The following COL25A1 variants were observed in gnomAD, a reference collection of about 807,000 sequenced individuals.
The protein encoded by COL25A1 is collagen alpha-1(XXV) chain.
A neutral mutation model predicts 128.4 loss-of-function variants in COL25A1; 103 were observed. The ratio of observed to expected loss-of-function variants is 0.80; its 90% CI spans 0.68 to 0.94. COL25A1 has a LOEUF of 0.94. COL25A1 is among the 40% of genes least tolerant of loss of function. The pLI is 0.00. For missense variants in COL25A1, 745 were observed against 840.0 expected, an observed-to-expected ratio of 0.89 and a Z score of 1.40; for synonymous variants, 279 against 277.2, an observed-to-expected ratio of 1.01 and a Z score of -0.06.
intron 11 of COL25A1, 102 bp from the exon 12 acceptor site, chr4:108,920,706 G>T: frequency 1.4e-6 from 1 of 710,498 alleles, no homozygotes; most frequent in Non-Finnish European, 2.2e-6. Context: ...TTGCTGTACT[G>T]AAATATGTTG....
At chr4:109,286,880 G>C (rs1723942726) in intron 3 of COL25A1, among the ~76,000 whole-genome samples, 1 of 152,162 alleles carries the variant, frequency 6.6e-6, no homozygotes, top group African/African-American at 2.4e-5. Context: ...TGACCACAGA[G>C]TCTGATCCAA....
intron 3 of COL25A1, among the ~76,000 whole-genome samples, chr4:109,136,368 C>T (rs1769764792): frequency 6.6e-6 from 1 of 152,110 alleles, no homozygotes; most frequent in African/African-American, 2.4e-5. Context: ...CATTGCACTC[C>T]ATGCTGGGCA....
chr4:108,860,276 G>A (rs1209893632), intron 23 of COL25A1, among the ~76,000 whole-genome samples: 1 of 152,016 alleles, frequency 6.6e-6, no homozygotes, highest in Non-Finnish European at 1.5e-5. Flanking sequence ...ATTTTTAGTG[G>A]AGACAGAGTT....
Position 108,810,957 on chromosome 4 carries a change from A to G in COL25A1, c.*2970T>C, listed in dbSNP as rs957035368. 3.9e-5 allele frequency: 6 copies of G among 152,072 alleles called. No individual in the cohort carries two copies. Among genetic ancestry groups the G allele is most frequent in the Admixed American group, 3.9e-4 (6 of 15,274 alleles). The allele number at this position is 152,072 out of a possible 1,614,324, so 9.4% of individuals were successfully genotyped here. A position where few individuals can be genotyped will look rare whatever the true frequency, so the allele number is the denominator to read the frequency against. ...CAACATAAATGAAAAACAATTTTAA[A>G]TCTAAAACACATATCAATTTGCTAT... On this transcript the variant is annotated 3_prime_UTR_variant, in exon 38 of 38. Coordinates refer to ENST00000399132, the MANE Select transcript of COL25A1 (RefSeq NM_198721.4).
chr4:108,819,698 A>G (rs1731591575), intron 35 of COL25A1: 2 of 460,658 alleles, frequency 4.3e-6, no homozygotes, highest in African/African-American at 2.0e-5. Context: ...CTTGAAGTCC[A>G]TGTTAAATGA....
intron 3 of COL25A1, among the ~76,000 whole-genome samples, chr4:109,150,459 G>A (rs1215163678): frequency 1.3e-5 from 2 of 152,094 alleles, no homozygotes; most frequent in Admixed American, 6.5e-5. Flanking sequence ...CAGGGATGTT[G>A]CATAGCAAGA....
At chr4:109,236,644 T>C (rs1779499144) in intron 3 of COL25A1, among the ~76,000 whole-genome samples, 1 of 151,668 alleles carries the variant, frequency 6.6e-6, no homozygotes, top group South Asian at 2.1e-4. Flanking sequence ...AGAAAACTAT[T>C]TTCATTCTGA....
In COL25A1 at chr4:109,083,448, ATTTTTTT is replaced by A. The variant is rs60165291; in HGVS notation, c.368-33276_368-33270del. Among the ~76,000 whole-genome samples, 38 of 77,064 alleles carry A rather than the reference ATTTTTTT, an allele frequency of 4.9e-4. No individual in the cohort carries two copies. The South Asian group carries it at 1.0e-2, about 20-fold the overall frequency. The allele number at this position is 77,064 out of a possible 152,430, so 50.6% of individuals were successfully genotyped here. On this transcript the variant is annotated intron_variant, in intron 3 of 37. Transcript: ENST00000399132. ...CACCAATAACTTTTACACTAAATAA[ATTTTTTT>A]TTTTTTTTTTTTTTTTTTTTTTTTT...
chr4:108,967,239 C>T lies in COL25A1; in HGVS notation c.492+7128G>A, dbSNP rs76735644. ...TAGAGTGATTGGCGTATTTTAGGAA[C>T]TCAATTAAAGTATCCTTATTGTTAT... On this transcript the variant is annotated intron_variant, in intron 8 of 37. Transcript: ENST00000399132. 4.6e-5 allele frequency among the ~76,000 whole-genome samples: 7 copies of T among 152,246 alleles called. No individual in the cohort carries two copies. The East Asian group carries it at 1.2e-3, about 25-fold the overall frequency.
chr4:109,288,797 T>A (rs1724141600), intron 3 of COL25A1, among the ~76,000 whole-genome samples: 1 of 152,092 alleles, frequency 6.6e-6, no homozygotes, highest in South Asian at 2.1e-4. Context: ...CGCATGGGCC[T>A]AGCAGATAAA....
intron 3 of COL25A1, among the ~76,000 whole-genome samples, chr4:109,141,292 C>T (rs760322283): frequency 6.6e-6 from 1 of 152,140 alleles, no homozygotes; most frequent in Admixed American, 6.5e-5. Flanking sequence ...CCGACTTGAT[C>T]GTGGTGGATA....
At chr4:109,265,849 T>A (rs746871694) in intron 3 of COL25A1, among the ~76,000 whole-genome samples, 1 of 152,124 alleles carries the variant, frequency 6.6e-6, no homozygotes, top group Non-Finnish European at 1.5e-5. Flanking sequence ...TGTAACAAAT[T>A]TTACTGGTGT....
chr4:109,294,643 T>C (rs1480524912), intron 3 of COL25A1, among the ~76,000 whole-genome samples: 7 of 152,120 alleles, frequency 4.6e-5, no homozygotes, highest in South Asian at 2.1e-4. Flanking sequence ...CACTAGGCTA[T>C]AGCCGCAGCC....
chr4:108,971,859 AG>A (rs1173250929), intron 8 of COL25A1, among the ~76,000 whole-genome samples: 4 of 152,358 alleles, frequency 2.6e-5, no homozygotes, highest in Middle Eastern at 6.8e-3. Flanking sequence ...GGTGGTTAGT[AG>A]AAGAGAGAGA....
At chr4:108,861,170 C>G (rs902059847) in intron 22 of COL25A1, among the ~76,000 whole-genome samples, 199 bp from the exon 23 acceptor site, 3 of 152,094 alleles carry the variant, frequency 2.0e-5, no homozygotes, top group Non-Finnish European at 4.4e-5. Context: ...TTTTAAAAAA[C>G]TCCCTTTTCA....
chr4:108,975,863 A>G (rs1037436693), intron 6 of COL25A1, among the ~76,000 whole-genome samples: 1 of 152,070 alleles, frequency 6.6e-6, no homozygotes, highest in East Asian at 1.9e-4. Flanking sequence ...TGTCCTGTTG[A>G]TTTGCTAGAG....
intron 3 of COL25A1, among the ~76,000 whole-genome samples, chr4:109,217,079 T>C (rs918617608): frequency 6.6e-6 from 1 of 152,142 alleles, no homozygotes; most frequent in Non-Finnish European, 1.5e-5. Flanking sequence ...TAATTTTTAA[T>C]GCAAGTTTGC....
intron 14 of COL25A1, among the ~76,000 whole-genome samples, chr4:108,900,415 C>T (rs1277818292): frequency 7.9e-5 from 12 of 152,112 alleles, no homozygotes; most frequent in Non-Finnish European, 1.8e-4. Flanking sequence ...TCTGTGGGTA[C>T]GAATACACAC....
intron 3 of COL25A1, among the ~76,000 whole-genome samples, chr4:109,085,890 C>T (rs1327864211): frequency 6.6e-6 from 1 of 152,140 alleles, no homozygotes; most frequent in African/African-American, 2.4e-5. Context: ...CTGAAAATAA[C>T]ATCCAGTATA....
Sources: allele counts gnomAD v4.1 joint callset (sites outside exome capture counted in the v4.1 genomes callset), GRCh38; gene constraint gnomAD v4.1.1; transcripts MANE v1.5; gene names NCBI Gene and HGNC (gene_info 2026-07-23, HGNC 2026-07-21).